The following EXOC4 variants were observed in gnomAD, a reference collection of about 807,000 sequenced individuals.
EXOC4 encodes SEC8-like 1.
Under a neutral mutation model 107.2 loss-of-function variants are expected in EXOC4, and 71 were observed. The observed-to-expected ratio is 0.66, with a 90% confidence interval of 0.55 to 0.81. EXOC4 has a LOEUF of 0.81. Among genes scored for constraint, EXOC4 ranks in the 30% least tolerant of loss-of-function variants. The probability of loss-of-function intolerance (pLI) is 0.00; values close to 1 mark genes in which losing one functional copy is unlikely to be tolerated. For missense variants in EXOC4, 1,108 were observed against 1,189.6 expected (o/e 0.93, Z 1.01); for synonymous variants, 456 against 441.2 (o/e 1.03, Z -0.42).
rs149431454 is a variant in EXOC4, at chr7:133,886,394, A to T, written c.1735-9205A>T. Among the ~76,000 whole-genome samples, 1,143 of 152,330 alleles carry T rather than the reference A, an allele frequency of 7.5e-3. 15 individuals carry two copies. Among genetic ancestry groups the T allele is most frequent in the African/African-American group, 0.026 (1,093 of 41,568 alleles). On this transcript the variant is annotated intron_variant, in intron 11 of 17. Transcript: ENST00000253861. ...AGTTCTCAAAGGTACAATCATCCTT[A>T]TTCATTCACTGATTAAATTTTTTTA... is the stretch of plus-strand genomic sequence containing the variant.
chr7:133,895,581 TTTG>T lies in EXOC4; in HGVS notation c.1735-12_1735-10del. On this transcript the variant is annotated splice_polypyrimidine_tract_variant and intron_variant, in intron 11 of 17. Transcript: ENST00000253861. The stretch of plus-strand genomic sequence containing the variant: ...GACTACAGAAATCTCATATCCTCTC[TTTG>T]TTGTTCATTTCCAGAGCACAATCAT... 3.7e-6 allele frequency: 6 copies of T among 1,612,718 alleles called. No homozygotes were observed. The highest frequency in any genetic ancestry group is 5.1e-6 in the Non-Finnish European group (6 of 1,179,062).
intron 7 of EXOC4, among the ~76,000 whole-genome samples, chr7:133,432,950 C>T (rs1296601933): frequency 2.0e-5 from 3 of 152,202 alleles, no homozygotes; most frequent in African/African-American, 7.2e-5. Context: ...TAATGTATTA[C>T]CCTTTGTCAA....
intron 7 of EXOC4, among the ~76,000 whole-genome samples, chr7:133,405,535 G>A (rs552157687): frequency 3.6e-4 from 54 of 152,044 alleles, no homozygotes; most frequent in African/African-American, 1.2e-3. Flanking sequence ...GGTGGTATTT[G>A]GATTATAATT....
In EXOC4 at chr7:133,364,819, T is replaced by C. The variant is rs147586951; in HGVS notation, c.1007+8246T>C. Among the ~76,000 whole-genome samples, 121 of 152,286 alleles carry C rather than the reference T, an allele frequency of 7.9e-4. 2 individuals are homozygous for C. The East Asian group carries it at 0.018, about 23-fold the overall frequency. ...TCACAGGCAGGGGCATTATTATTAATCCCAGATTTACCCAGAGAAATGTGA... is the reference window on the plus strand; with the variant it reads ...TCACAGGCAGGGGCATTATTATTAACCCCAGATTTACCCAGAGAAATGTGA... On this transcript the variant is annotated intron_variant, in intron 6 of 17. Coordinates refer to ENST00000253861, the MANE Select transcript of EXOC4 (RefSeq NM_021807.4).
rs541547201 is a variant in EXOC4 at position 133,356,962 on chromosome 7, A to G, written c.1007+389A>G. Among the ~76,000 whole-genome samples, 114 of 152,370 alleles carry G rather than the reference A, an allele frequency of 7.5e-4. 1 individual carries two copies. The highest frequency in any genetic ancestry group is 2.5e-3 in the African/African-American group (105 of 41,590). On this transcript the variant is annotated intron_variant, in intron 6 of 17. Transcript: ENST00000253861. Reference sequence around the variant, plus strand: ...ACCATTGCTCTCCGGCCTAGGTGACAGAGCGAGACTCCGTCTTAAAAAATA... The same window carrying G: ...ACCATTGCTCTCCGGCCTAGGTGACGGAGCGAGACTCCGTCTTAAAAAATA...
Position 133,684,367 on chromosome 7 carries a change from T to C in EXOC4, c.1514+54226T>C, listed in dbSNP as rs1189102401. ...ATTATGTGTAAACTTGATATGCTTC[T>C]AAAGACAATTATAGTACAAATTACC... is the stretch of plus-strand genomic sequence containing the variant. On this transcript the variant is annotated intron_variant, in intron 10 of 17. Transcript: ENST00000253861. Among the ~76,000 whole-genome samples the C allele has an allele frequency of 2.0e-5, 3 of 152,216 alleles. No homozygotes were observed. The East Asian group carries it at 5.8e-4, about 29-fold the overall frequency.
At chr7:133,527,319 G>T (rs1470465277) in intron 9 of EXOC4, among the ~76,000 whole-genome samples, 3 of 151,388 alleles carry the variant, frequency 2.0e-5, no homozygotes, top group Admixed American at 1.3e-4. Context: ...CAGGAGAATC[G>T]CATGAACCTG....
chr7:133,348,693 T>C (rs932433814), intron 5 of EXOC4, among the ~76,000 whole-genome samples: 5 of 152,178 alleles, frequency 3.3e-5, no homozygotes, highest in Non-Finnish European at 7.4e-5. Context: ...CGCTAAATAC[T>C]TTTCTCTCCT....
chr7:133,977,507 A>G (rs1360936871), intron 14 of EXOC4, among the ~76,000 whole-genome samples: 1 of 152,208 alleles, frequency 6.6e-6, no homozygotes, highest in Non-Finnish European at 1.5e-5. Flanking sequence ...TCCTCAGCCT[A>G]TAGGAACGGT....
chr7:133,307,733 A>T (rs1025792683), intron 4 of EXOC4, among the ~76,000 whole-genome samples: 1 of 152,162 alleles, frequency 6.6e-6, no homozygotes, highest in Non-Finnish European at 1.5e-5. Context: ...ACATGACACA[A>T]GCAGGGGCTT....
chr7:133,614,214 A>G (rs1342476246), intron 9 of EXOC4, among the ~76,000 whole-genome samples: 3 of 152,186 alleles, frequency 2.0e-5, no homozygotes, highest in Non-Finnish European at 4.4e-5. Context: ...TAAGGCAGGA[A>G]GAGATAGGCT....
At chr7:133,573,845 C>T (rs549533985) in intron 9 of EXOC4, among the ~76,000 whole-genome samples, 7 of 152,110 alleles carry the variant, frequency 4.6e-5, no homozygotes, top group Admixed American at 3.3e-4. Flanking sequence ...TGCCAGCCTA[C>T]GGTTTGATTC....
intron 7 of EXOC4, among the ~76,000 whole-genome samples, chr7:133,408,911 C>A (rs1290693712): frequency 6.6e-6 from 1 of 152,136 alleles, no homozygotes; most frequent in Non-Finnish European, 1.5e-5. Context: ...ATTTCAGTAT[C>A]CAACAATTTA....
intron 3 of EXOC4, among the ~76,000 whole-genome samples, chr7:133,302,359 TGTTAG>T: frequency 6.6e-6 from 1 of 152,330 alleles, no homozygotes; most frequent in Non-Finnish European, 1.5e-5. Context: ...ATTAATATTC[TGTTAG>T]ATGGTAATAG....
chr7:133,702,605 T>A (rs531682543), intron 10 of EXOC4, among the ~76,000 whole-genome samples: 8 of 151,618 alleles, frequency 5.3e-5, no homozygotes, highest in African/African-American at 1.9e-4. Flanking sequence ...GGATTACAGA[T>A]GTGAGCCACT....
chr7:133,903,114 A>C (rs1486160519), intron 12 of EXOC4, among the ~76,000 whole-genome samples: 1 of 152,164 alleles, frequency 6.6e-6, no homozygotes, highest in African/African-American at 2.4e-5. Flanking sequence ...CTTTTAAGGA[A>C]CAGCAAGGAG....
chr7:133,429,591 C>T lies in EXOC4; in HGVS notation c.1183-45737C>T, dbSNP rs368319877. Among the ~76,000 whole-genome samples the T allele has an allele frequency of 9.2e-5, 14 of 152,288 alleles. No homozygotes were observed. The South Asian group carries it at 2.9e-3, about 32-fold the overall frequency. On this transcript the variant is annotated intron_variant, in intron 7 of 17. Transcript: ENST00000253861. The stretch of plus-strand genomic sequence containing the variant: ...AAACTGGCCTTTAGCAATCACTCAC[C>T]ATTAGCAGTCACTCCCATTCCTGCT...
At chr7:133,304,015 A>G (rs996954964) in intron 3 of EXOC4, among the ~76,000 whole-genome samples, 7 of 152,224 alleles carry the variant, frequency 4.6e-5, no homozygotes, top group Non-Finnish European at 7.3e-5. Flanking sequence ...TTGTCATAAA[A>G]TTCTGTATTT....
In EXOC4 at chr7:133,884,579, C is replaced by CTG. The variant is rs1491332445; in HGVS notation, c.1735-11019_1735-11018insGT. Among the ~76,000 whole-genome samples, 17 of 113,416 alleles carry CTG rather than the reference C, an allele frequency of 1.5e-4. 1 individual carries two copies. The highest frequency in any genetic ancestry group is 4.9e-4 in the African/African-American group (12 of 24,296). The allele number at this position is 113,416 out of a possible 152,430, so 74.4% of individuals were successfully genotyped here. ...TGCTCTCAGGTGTGCTTGCCCTATGCTCTGTGTGTGTGTGTGTGTGTGTGT... is the reference window on the plus strand; with the variant it reads ...TGCTCTCAGGTGTGCTTGCCCTATGCTGTCTGTGTGTGTGTGTGTGTGTGTGT... On this transcript the variant is annotated intron_variant, in intron 11 of 17. Transcript: ENST00000253861.
Sources: allele counts gnomAD v4.1 joint callset (sites outside exome capture counted in the v4.1 genomes callset), GRCh38; gene constraint gnomAD v4.1.1; transcripts MANE v1.5; gene names NCBI Gene and HGNC (gene_info 2026-07-23, HGNC 2026-07-21).